KIF24: variants seen among roughly 807,000 people sequenced by gnomAD.
The protein encoded by KIF24 is kinesin family member 24.
Under a neutral mutation model 118.9 loss-of-function variants are expected in KIF24, and 81 were observed. The observed-to-expected ratio is 0.68, with a 90% CI of 0.57 to 0.82. The LOEUF is 0.82. Ranked by LOEUF, KIF24 falls within the 40% of genes least tolerant of loss-of-function variation. KIF24 has a pLI of 0.00. For missense variants in KIF24, 1,560 were observed against 1,661.6 expected, an observed-to-expected ratio of 0.94 and a Z score of 1.06; for synonymous variants, 599 against 610.0, an observed-to-expected ratio of 0.98 and a Z score of 0.27.
intron 1 of KIF24, among the ~76,000 whole-genome samples, chr9:34,321,740 G>C (rs1358208451): frequency 6.6e-6 from 1 of 151,634 alleles, no homozygotes; most frequent in Non-Finnish European, 1.5e-5. Flanking sequence ...CCAAGTAGCT[G>C]GGACTACAGG....
chr9:34,296,252 C>A (rs970346609), intron 4 of KIF24, among the ~76,000 whole-genome samples: 2 of 137,526 alleles, frequency 1.5e-5, no homozygotes, highest in Non-Finnish European at 3.1e-5. Context: ...TGAGGCCGGG[C>A]GTGGTGGCTC....
Position 34,257,420 on chromosome 9 carries a change from G to A in KIF24, c.2187C>T (p.His729=). Residue 729 remains histidine, a synonymous_variant, in exon 11 of 13, where the codon CAC becomes CAT. Coordinates refer to ENST00000402558, the MANE Select transcript of KIF24 (RefSeq NM_194313.4). ...GGCTGTCTTGACTGTACTCAGCCCTGTGGTGGGCGTTGCCAAAGGAGAGCT... is the reference window on the plus strand; with the variant it reads ...GGCTGTCTTGACTGTACTCAGCCCTATGGTGGGCGTTGCCAAAGGAGAGCT... ...RVELSFGNAH[H]RAEYSQDSQR... is the part of the protein sequence containing the mutation. The A allele has an allele frequency of 1.2e-6, 2 of 1,614,056 alleles. No individual in the cohort carries two copies. The highest frequency in any genetic ancestry group is 1.7e-6 in the Non-Finnish European group (2 of 1,179,906).
chr9:34,259,238 A>G (rs1389854510), intron 10 of KIF24, among the ~76,000 whole-genome samples: 1 of 152,218 alleles, frequency 6.6e-6, no homozygotes, highest in Non-Finnish European at 1.5e-5. Flanking sequence ...ATCTCTTACA[A>G]TTTGGGCTGA....
At chr9:34,299,436 C>G (rs897279991) in intron 3 of KIF24, among the ~76,000 whole-genome samples, 2 of 151,948 alleles carry the variant, frequency 1.3e-5, no homozygotes, top group Admixed American at 1.3e-4. Flanking sequence ...TCTGCTTCAG[C>G]CTCCCAAAGT....
Position 34,311,024 on chromosome 9 carries a change from T to C in KIF24, c.323A>G (p.Asp108Gly), listed in dbSNP as rs768208819. ...LNFDSPADNK[D>G]RNASNDGFEM... Reference sequence around the variant, plus strand: ...AAACCCATCATTGCTGGCATTTCTGTCTTTATTGTCAGCAGGAGAATCAAA... The same window carrying C: ...AAACCCATCATTGCTGGCATTTCTGCCTTTATTGTCAGCAGGAGAATCAAA... The change falls in exon 2 of 13, where the codon GAC becomes GGC. Residue 108 changes from aspartate to glycine, a missense_variant. Asp to Gly is a moderately conservative substitution (Grantham distance 94, BLOSUM62 -1). Transcript: ENST00000402558. 11 of 1,613,798 alleles carry C rather than the reference T, an allele frequency of 6.8e-6. No homozygotes were observed. Among genetic ancestry groups the C allele is most frequent in the Non-Finnish European group, 9.3e-6 (11 of 1,179,818 alleles).
intron 5 of KIF24, among the ~76,000 whole-genome samples, chr9:34,289,833 TATA>T (rs1268380273): frequency 6.6e-6 from 1 of 152,174 alleles, no homozygotes; most frequent in Non-Finnish European, 1.5e-5. Context: ...GTTTTTCCAG[TATA>T]ATAATAGGTC....
At chr9:34,281,774 T>A (rs1378021667) in intron 6 of KIF24, among the ~76,000 whole-genome samples, 1 of 152,108 alleles carries the variant, frequency 6.6e-6, no homozygotes, top group Non-Finnish European at 1.5e-5. Context: ...CCTGGAGGAG[T>A]GTACCATGAA....
At chr9:34,312,860 G>A (rs1009991448) in intron 1 of KIF24, among the ~76,000 whole-genome samples, 11 of 152,050 alleles carry the variant, frequency 7.2e-5, no homozygotes, top group South Asian at 2.1e-4. Context: ...CACCACACCC[G>A]GCTAATTTTT....
chr9:34,276,830 G>A (rs1385053477), intron 6 of KIF24, among the ~76,000 whole-genome samples: 1 of 152,176 alleles, frequency 6.6e-6, no homozygotes, highest in Non-Finnish European at 1.5e-5. Flanking sequence ...GAAATCATAA[G>A]AGCTACAGTG....
intron 8 of KIF24, among the ~76,000 whole-genome samples, chr9:34,268,509 C>CT (rs551412725): frequency 0.66 from 82,052 of 123,468 alleles, 25,692 homozygotes; most frequent in South Asian, 0.8. Flanking sequence ...GATTTTCTTT[C>CT]TTTTTTTTTT....
At position 34,315,106 on chromosome 9, in the gene KIF24, C is replaced by T. The variant is rs114654236; in HGVS notation, c.-25-3735G>A. On this transcript the variant is annotated intron_variant, in intron 1 of 12. Transcript: ENST00000402558. ...ATGCTGGTAGTTATTATTACCTTTCCTATTGTCATTTCTATGTCACTGGTG... is the reference window on the plus strand; with the variant it reads ...ATGCTGGTAGTTATTATTACCTTTCTTATTGTCATTTCTATGTCACTGGTG... Among the ~76,000 whole-genome samples, 1,200 of 152,244 alleles carry T rather than the reference C, an allele frequency of 7.9e-3. 18 individuals are homozygous for T. The highest frequency in any genetic ancestry group is 0.027 in the African/African-American group (1,128 of 41,558).
At chr9:34,269,150 C>G (rs1256768201) in intron 8 of KIF24, 107 bp downstream of exon 8, 2 of 612,026 alleles carry the variant, frequency 3.3e-6, no homozygotes, top group African/African-American at 3.8e-5. Flanking sequence ...TACATAAGAA[C>G]AGGGCAGTTG....
chr9:34,271,903 T>C lies in KIF24; in HGVS notation c.1243A>G (p.Ser415Gly). Reference sequence around the variant, plus strand: ...GCATTAACTCCAGTGGCCCCAGTGCTGCGCTCCTTGCTGCCCTTTAAGATC... The same window carrying C: ...GCATTAACTCCAGTGGCCCCAGTGCCGCGCTCCTTGCTGCCCTTTAAGATC... ...EVILKGSKER[S>G]TGATGVNADS... Residue 415 changes from serine to glycine, a missense_variant, in exon 7 of 13, where the codon AGC becomes GGC. Ser to Gly is a moderately conservative substitution (Grantham distance 56, BLOSUM62 0). Coordinates refer to ENST00000402558, the MANE Select transcript of KIF24 (RefSeq NM_194313.4). The C allele has an allele frequency of 2.5e-6, 4 of 1,603,266 alleles. No individual in the cohort carries two copies. The highest frequency in any genetic ancestry group is 3.4e-6 in the Non-Finnish European group (4 of 1,174,434).
At chr9:34,255,385 G>T (rs949813995) in intron 11 of KIF24, among the ~76,000 whole-genome samples, 3 of 152,072 alleles carry the variant, frequency 2.0e-5, no homozygotes, top group Admixed American at 6.6e-5. Context: ...GAGGGAGACA[G>T]GGGCTTCCCA....
intron 1 of KIF24, among the ~76,000 whole-genome samples, chr9:34,323,695 C>T (rs189554610): frequency 1.3e-5 from 2 of 152,284 alleles, no homozygotes; most frequent in East Asian, 1.9e-4. Context: ...CTTTCAGTCC[C>T]TTTGGGAACT....
intron 8 of KIF24, 115 bp downstream of exon 8, chr9:34,269,142 C>T (rs1044242012): frequency 1.8e-6 from 1 of 567,594 alleles, no homozygotes; most frequent in Non-Finnish European, 3.1e-6. Context: ...TCTATTACTA[C>T]ATAAGAACAG....
intron 8 of KIF24, among the ~76,000 whole-genome samples, chr9:34,264,841 C>CTGG (rs951269020): frequency 1.3e-5 from 2 of 152,050 alleles, no homozygotes; most frequent in Non-Finnish European, 2.9e-5. Context: ...CTGGAGACTT[C>CTGG]AGTTCTGATA....
At position 34,262,669 on chromosome 9, in the gene KIF24, A is replaced by ATATGT. The variant is rs1563936562; in HGVS notation, c.1515+431_1515+432insACATA. ...CAAAAAAAAAAAAAAAAAAAAAAAAAAAAAAAATATATATATATATATATA... is the reference window on the plus strand; with the variant it reads ...CAAAAAAAAAAAAAAAAAAAAAAAAATATGTAAAAAAATATATATATATATATATA... On this transcript the variant is annotated intron_variant, in intron 9 of 12. Coordinates refer to ENST00000402558, the MANE Select transcript of KIF24 (RefSeq NM_194313.4). 7.1e-3 allele frequency among the ~76,000 whole-genome samples: 284 copies of ATATGT among 39,854 alleles called. 14 individuals are homozygous for ATATGT. Among genetic ancestry groups the ATATGT allele is most frequent in the Middle Eastern group, 0.012 (1 of 82 alleles). The allele number at this position is 39,854 out of a possible 152,430, so 26.1% of individuals were successfully genotyped here.
chr9:34,276,742 T>A (rs1835673370), intron 6 of KIF24, among the ~76,000 whole-genome samples: 1 of 152,206 alleles, frequency 6.6e-6, no homozygotes, highest in South Asian at 2.1e-4. Flanking sequence ...GACAACATGA[T>A]GAATCCTTTT....
Sources: allele counts gnomAD v4.1 joint callset (sites outside exome capture counted in the v4.1 genomes callset), GRCh38; gene constraint gnomAD v4.1.1; transcripts MANE v1.5; gene names NCBI Gene and HGNC (gene_info 2026-07-23, HGNC 2026-07-21).